Variants in CHLSN observed in about 807,000 individuals in gnomAD.
The protein encoded by CHLSN is protein cholesin.
At chr7:1,028,113 A>T in the CHLSN span, 2 of 431,042 alleles carry the variant, frequency 4.6e-6, no homozygotes, top group Non-Finnish European at 6.1e-6. Flanking sequence ...CGGGGTCTGC[A>T]GGGCGGAGCG....
At chr7:1,014,725 T>G in the CHLSN span, among the ~76,000 whole-genome samples, 7 of 152,266 alleles carry the variant, frequency 4.6e-5, no homozygotes, top group Non-Finnish European at 1.0e-4. Flanking sequence ...CGAATTTTCC[T>G]AAGTGATGAC....
the CHLSN span, among the ~76,000 whole-genome samples, chr7:1,017,361 A>G: frequency 2.6e-3 from 400 of 152,116 alleles, 2 homozygotes; most frequent in African/African-American, 8.6e-3. Context: ...GGACACCACC[A>G]GCCTGGCCTG....
At chr7:1,040,971 C>T in the CHLSN span, among the ~76,000 whole-genome samples, 2 of 152,258 alleles carry the variant, frequency 1.3e-5, no homozygotes, top group African/African-American at 4.8e-5. Flanking sequence ...GCTGACAGTG[C>T]CTCCCGGGGT....
At chr7:1,076,302 G>T in the CHLSN span, 1 of 161,798 alleles carries the variant, frequency 6.2e-6, no homozygotes, top group South Asian at 1.9e-4. Flanking sequence ...GGGAGAGGCA[G>T]GCCAGGGAGG....
At chr7:1,091,091 T>G in the CHLSN span, among the ~76,000 whole-genome samples, 1 of 152,146 alleles carries the variant, frequency 6.6e-6, no homozygotes, top group East Asian at 1.9e-4. Flanking sequence ...GCCCATACCT[T>G]CATTGCTTCC....
At chr7:992,100 C>T in the CHLSN span, among the ~76,000 whole-genome samples, 3 of 152,200 alleles carry the variant, frequency 2.0e-5, no homozygotes, top group African/African-American at 4.8e-5. Flanking sequence ...GAGGCAGACA[C>T]CCCGAACCCC....
At chr7:1,051,379 C>T in the CHLSN span, among the ~76,000 whole-genome samples, 1 of 152,252 alleles carries the variant, frequency 6.6e-6, no homozygotes, top group Non-Finnish European at 1.5e-5. Context: ...GTTCTGAGCT[C>T]GTAAGGGGTG....
chr7:1,134,988 C>G, the CHLSN span, among the ~76,000 whole-genome samples: 1 of 152,212 alleles, frequency 6.6e-6, no homozygotes, highest in African/African-American at 2.4e-5. Context: ...ACCACAATGA[C>G]ACCCACGTGG....
At chr7:1,096,615 C>T in the CHLSN span, among the ~76,000 whole-genome samples, 1 of 152,262 alleles carries the variant, frequency 6.6e-6, no homozygotes. This position sits in a 1 kb window ranked among gnomAD's most constrained non-coding sequence, Gnocchi z 4.6. Flanking sequence ...GCTCTGCTGT[C>T]TCCTGGTAAC....
the CHLSN span, chr7:985,169 G>T: frequency 6.3e-7 from 1 of 1,581,010 alleles, no homozygotes. Context: ...CTCGCAGGCC[G>T]GCCCTTCCCG....
At chr7:1,051,671 G>A in the CHLSN span, among the ~76,000 whole-genome samples, 1 of 152,156 alleles carries the variant, frequency 6.6e-6, no homozygotes, top group Non-Finnish European at 1.5e-5. Flanking sequence ...TTTTATGAGA[G>A]TTATTTAAAA....
At chr7:992,272 G>A in the CHLSN span, among the ~76,000 whole-genome samples, 6 of 152,218 alleles carry the variant, frequency 3.9e-5, no homozygotes, top group Non-Finnish European at 7.3e-5. Context: ...CTGGGTCTGA[G>A]GCTGGCCCTC....
At chr7:985,189 C>G in the CHLSN span, 5 of 1,569,084 alleles carry the variant, frequency 3.2e-6, no homozygotes, top group South Asian at 1.2e-5. Context: ...GCTGGCCCTA[C>G]TGGGCTGGGC....
the CHLSN span, among the ~76,000 whole-genome samples, chr7:1,084,278 G>T: frequency 6.6e-6 from 1 of 152,228 alleles, no homozygotes; most frequent in Admixed American, 6.5e-5. Context: ...ACGCGGAGGC[G>T]GGGGACGCCA....
chr7:1,080,924 G>C, the CHLSN span: 2 of 152,422 alleles, frequency 1.3e-5, no homozygotes, highest in Non-Finnish European at 1.5e-5. Flanking sequence ...GCCTTTGCGG[G>C]TAAGGTCGGG....
the CHLSN span, among the ~76,000 whole-genome samples, chr7:1,008,864 C>A: frequency 1.9e-5 from 2 of 105,872 alleles, no homozygotes; most frequent in African/African-American, 7.7e-5. Context: ...AACACACGCA[C>A]ACACGTGTAC....
At chr7:1,087,570 C>T in the CHLSN span, among the ~76,000 whole-genome samples, 2 of 152,140 alleles carry the variant, frequency 1.3e-5, no homozygotes, top group African/African-American at 4.8e-5. Flanking sequence ...GAATTTTCCA[C>T]TTGTGTCACG....
At chr7:1,044,175 A>G in the CHLSN span, among the ~76,000 whole-genome samples, 14 of 152,250 alleles carry the variant, frequency 9.2e-5, no homozygotes, top group Non-Finnish European at 2.1e-4. Context: ...ACTAACTTGC[A>G]GCCACTCATT....
chr7:988,746 C>T, the CHLSN span: 1 of 1,599,314 alleles, frequency 6.3e-7, no homozygotes, highest in South Asian at 1.1e-5. Flanking sequence ...AGTCCGGCCT[C>T]CCTGGACACC....
Sources: allele counts gnomAD v4.1 joint callset (sites outside exome capture counted in the v4.1 genomes callset), GRCh38; gene constraint gnomAD v4.1.1; non-coding constraint Gnocchi (gnomAD v3.1); transcripts MANE v1.5; gene names NCBI Gene and HGNC (gene_info 2026-07-23, HGNC 2026-07-21).